The following NRXN3 variants were observed in gnomAD, a reference collection of about 807,000 sequenced individuals.
NRXN3 encodes the protein neurexin III.
A neutral mutation model predicts 137.6 loss-of-function variants in NRXN3; 32 were observed. The ratio of observed to expected loss-of-function variants is 0.23; its 90% CI spans 0.18 to 0.31. The LOEUF is 0.31. NRXN3 is among the 10% of genes least tolerant of loss of function. The pLI, the probability that NRXN3 is intolerant of heterozygous loss-of-function variation, is 1.00. For missense variants in NRXN3, 1,574 were observed against 2,062.5 expected (o/e 0.76, Z 4.59); for synonymous variants, 798 against 784.5 (o/e 1.02, Z -0.29).
chr14:78,948,628 CTTTTT>C (rs201010514), intron 10 of NRXN3, among the ~76,000 whole-genome samples: 61 of 108,632 alleles, frequency 5.6e-4, no homozygotes, highest in African/African-American at 1.8e-3. Context: ...ACACATTTAA[CTTTTT>C]TTTTTTTTTT....
Position 78,810,326 on chromosome 14 carries a change from A to T in NRXN3, c.2257A>T (p.Arg753Trp). Residue 753 changes from arginine (R) to tryptophan (W), a missense_variant, in exon 10 of 21, where the codon AGG becomes TGG. Around this residue, in one of 5 missense-constraint regions of NRXN3, gnomAD observed 718 missense variants for 887.6 expected, o/e 0.81. Coordinates refer to ENST00000335750, the MANE Select transcript of NRXN3 (RefSeq NM_001330195.2). ...VKLMVNLDCI[R>W]INCNSSKGPE... ...TATTTTTCCCCATCTAGACTGTATCAGGATAAACTGTAACTCCAGTAAGTT... is the reference window on the plus strand; with the variant it reads ...TATTTTTCCCCATCTAGACTGTATCTGGATAAACTGTAACTCCAGTAAGTT... 1 of 1,501,844 alleles carries T rather than the reference A, an allele frequency of 6.7e-7. No individual in the cohort carries two copies. The highest frequency in any genetic ancestry group is 8.9e-7 in the Non-Finnish European group (1 of 1,118,268). 93.0% of individuals were successfully genotyped at this position (1,501,844 alleles called of 1,614,324 possible). A position where few individuals can be genotyped will look rare whatever the true frequency, so the allele number is the denominator to read the frequency against.
chr14:79,099,219 A>G lies in NRXN3; in HGVS notation c.3262+111078A>G, dbSNP rs17108638. Among the ~76,000 whole-genome samples the G allele has an allele frequency of 8.1e-3, 1,230 of 152,314 alleles. 13 individuals are homozygous for G. The highest frequency in any genetic ancestry group is 0.028 in the African/African-American group (1,152 of 41,580). On this transcript the variant is annotated intron_variant, in intron 15 of 20. Transcript: ENST00000335750. ...CATTGTATGTCACTTGCAAGTGTAT[A>G]AGCAGAGTTTGCTATTTTTTTGAGA...
chr14:79,439,336 A>G (rs992148435), intron 15 of NRXN3, among the ~76,000 whole-genome samples: 3 of 152,230 alleles, frequency 2.0e-5, no homozygotes, highest in African/African-American at 7.2e-5. Context: ...AATTTAATAT[A>G]CATTTAATAA....
intron 15 of NRXN3, among the ~76,000 whole-genome samples, chr14:79,215,383 G>A (rs1167792570): frequency 1.4e-5 from 2 of 146,772 alleles, no homozygotes; most frequent in Non-Finnish European, 3.0e-5. Flanking sequence ...TGAAGTTGTG[G>A]AGTTGGGGTG....
chr14:79,656,030 G>A (rs2098503855), intron 16 of NRXN3, among the ~76,000 whole-genome samples: 1 of 152,154 alleles, frequency 6.6e-6, no homozygotes, highest in African/African-American at 2.4e-5. Context: ...CTGCTGCTGG[G>A]GGTCTTAGAA....
intron 4 of NRXN3, among the ~76,000 whole-genome samples, chr14:78,411,479 C>A (rs1171628518): frequency 6.6e-6 from 1 of 152,080 alleles, no homozygotes; most frequent in Non-Finnish European, 1.5e-5. Context: ...CCTGATTAGT[C>A]CACATGGGGA....
At chr14:79,047,524 C>T (rs921917313) in intron 15 of NRXN3, among the ~76,000 whole-genome samples, 5 of 152,012 alleles carry the variant, frequency 3.3e-5, no homozygotes, top group African/African-American at 4.8e-5. Context: ...GTTCCCCAGA[C>T]ATAGACTGGG....
chr14:78,892,961 A>G (rs2152709058), intron 10 of NRXN3, among the ~76,000 whole-genome samples: 1 of 152,068 alleles, frequency 6.6e-6, no homozygotes, highest in African/African-American at 2.4e-5. Flanking sequence ...GAAGTGGTGC[A>G]GGTGGCCTCT....
At chr14:78,284,643 C>T (rs2074909557) in intron 3 of NRXN3, among the ~76,000 whole-genome samples, 1 of 152,098 alleles carries the variant, frequency 6.6e-6, no homozygotes, top group Admixed American at 6.5e-5. Flanking sequence ...AATCAACCCA[C>T]CGTTGTAGCT....
intron 10 of NRXN3, among the ~76,000 whole-genome samples, chr14:78,845,254 A>T (rs975593040): frequency 1.3e-5 from 2 of 152,134 alleles, no homozygotes; most frequent in Non-Finnish European, 1.5e-5. Context: ...CAAATATGAT[A>T]GCCAACTTTT....
At chr14:78,585,769 A>AGGGGAAG (rs2097056167) in intron 4 of NRXN3, among the ~76,000 whole-genome samples, 1 of 152,122 alleles carries the variant, frequency 6.6e-6, no homozygotes, top group Non-Finnish European at 1.5e-5. Flanking sequence ...ATGCAGTTTT[A>AGGGGAAG]GGGGAAGGGT....
In NRXN3 at chr14:78,389,852, G is replaced by A. The variant is rs73314396; in HGVS notation, c.757+91992G>A. On this transcript the variant is annotated intron_variant, in intron 4 of 20. Coordinates refer to ENST00000335750, the MANE Select transcript of NRXN3 (RefSeq NM_001330195.2). ...AGAGATTAGATAAATATTCATTTGC[G>A]TTGTGTGATTTTTAAATTTAACTTT... Among the ~76,000 whole-genome samples, 1,479 of 152,100 alleles carry A rather than the reference G, an allele frequency of 9.7e-3. 24 individuals carry two copies. Among genetic ancestry groups the A allele is most frequent in the African/African-American group, 0.033 (1,352 of 41,514 alleles).
chr14:78,739,380 A>G (rs1413639231), intron 8 of NRXN3, among the ~76,000 whole-genome samples: 1 of 152,216 alleles, frequency 6.6e-6, no homozygotes, highest in African/African-American at 2.4e-5. Context: ...TCCAGGCATC[A>G]TAACCTCTTT....
chr14:78,228,451 C>T (rs183891895), intron 1 of NRXN3, among the ~76,000 whole-genome samples: 3 of 152,132 alleles, frequency 2.0e-5, no homozygotes, highest in Admixed American at 1.3e-4. Context: ...CAACTGTGCC[C>T]GGCTAGATCT....
chr14:78,583,467 T>C (rs1032169950), intron 4 of NRXN3, among the ~76,000 whole-genome samples: 3 of 151,620 alleles, frequency 2.0e-5, no homozygotes, highest in African/African-American at 4.8e-5. Flanking sequence ...CCAGTTCCCA[T>C]TGAAGTGGAA....
intron 15 of NRXN3, among the ~76,000 whole-genome samples, chr14:79,074,258 T>A (rs898184817): frequency 2.0e-5 from 3 of 152,196 alleles, no homozygotes; most frequent in Non-Finnish European, 4.4e-5. Context: ...ATAAAAATAT[T>A]TGCCCAATGT....
chr14:79,085,636 A>AT (rs964270737), intron 15 of NRXN3, among the ~76,000 whole-genome samples: 14 of 152,010 alleles, frequency 9.2e-5, no homozygotes, highest in East Asian at 5.8e-4. Context: ...TTATGGAATG[A>AT]TTTTTTTTAG....
At chr14:79,565,265 ATG>A (rs33917859) in intron 16 of NRXN3, among the ~76,000 whole-genome samples, 128,277 of 140,188 alleles carry the variant, frequency 0.92, 58,342 homozygotes, top group East Asian at 0.99. Context: ...ACATATACAC[ATG>A]TGTGTGTGTA....
At chr14:79,471,259 C>T (rs2096503333) in intron 16 of NRXN3, among the ~76,000 whole-genome samples, 1 of 152,100 alleles carries the variant, frequency 6.6e-6, no homozygotes, top group Non-Finnish European at 1.5e-5. Context: ...TGAAAATTCT[C>T]AGTGCCTCAC....
Sources: gnomAD v4.1 joint callset for allele counts (sites outside exome capture counted in the v4.1 genomes callset) on GRCh38, gnomAD v4.1.1 for gene constraint, gnomAD v4.1.1 regional missense constraint, MANE v1.5 for transcripts, NCBI Gene and HGNC (gene_info 2026-07-23, HGNC 2026-07-21) for gene names.